The following CBFA2T2 variants were observed in gnomAD, a reference collection of about 807,000 sequenced individuals.
The protein encoded by CBFA2T2 is protein CBFA2T2.
CBFA2T2 carries 11 observed loss-of-function variants against 62.2 expected under a neutral mutation model. The observed-to-expected ratio is 0.18, with a 90% CI of 0.11 to 0.29. CBFA2T2 has a LOEUF of 0.29. Ranked by LOEUF, CBFA2T2 falls within the 10% of genes least tolerant of loss-of-function variation. The pLI is 1.00. For missense variants in CBFA2T2, 592 were observed against 774.1 expected (o/e 0.76, Z 2.79); for synonymous variants, 295 against 287.5 (o/e 1.03, Z -0.27).
intron 10 of CBFA2T2, among the ~76,000 whole-genome samples, chr20:33,641,039 C>CTT (rs895810658): frequency 6.9e-6 from 1 of 145,622 alleles, no homozygotes; most frequent in Non-Finnish European, 1.5e-5. Flanking sequence ...AGCACCTAGG[C>CTT]TTTTTTTTTT....
chr20:33,515,100 G>C (rs2146857224), intron 1 of CBFA2T2, among the ~76,000 whole-genome samples: 1 of 151,368 alleles, frequency 6.6e-6, no homozygotes, highest in East Asian at 2.0e-4. Flanking sequence ...TGTAATCACA[G>C]CACTTTGGGA....
chr20:33,586,053 TA>T (rs1224539266), intron 1 of CBFA2T2, among the ~76,000 whole-genome samples: 1 of 152,244 alleles, frequency 6.6e-6, no homozygotes, highest in Non-Finnish European at 1.5e-5. Context: ...TATCTGTCTC[TA>T]AAAAGGTAGC....
chr20:33,583,332 C>T (rs568281086), intron 1 of CBFA2T2, among the ~76,000 whole-genome samples: 3 of 152,304 alleles, frequency 2.0e-5, no homozygotes, highest in African/African-American at 7.2e-5. Context: ...TTGACCTTTT[C>T]CCAGGGCCAA....
rs375056881 is a variant in CBFA2T2 at position 33,524,565 on chromosome 20, T to G, written c.34+34264T>G. ...GAACTTGCAAACGTTGTTCTCATTT[T>G]CAAATAAAATAATTTTGTTGCAATT... On this transcript the variant is annotated intron_variant, in intron 1 of 10. Coordinates refer to ENST00000342704, the MANE Select transcript of CBFA2T2 (RefSeq NM_001032999.3). 3.6e-4 allele frequency among the ~76,000 whole-genome samples: 55 copies of G among 152,336 alleles called. 1 individual carries two copies. Among genetic ancestry groups the G allele is most frequent in the African/African-American group, 1.3e-3 (54 of 41,572 alleles).
intron 1 of CBFA2T2, among the ~76,000 whole-genome samples, chr20:33,542,313 C>G (rs908313883): frequency 6.6e-6 from 1 of 152,132 alleles, no homozygotes; most frequent in East Asian, 1.9e-4. Context: ...GCTAGAAGAA[C>G]CAGTCTTAAC....
intron 1 of CBFA2T2, among the ~76,000 whole-genome samples, chr20:33,513,816 GAAAAAAA>G (rs11481160): frequency 1.2e-4 from 13 of 111,444 alleles, no homozygotes; most frequent in African/African-American, 3.4e-4. Flanking sequence ...TCTGTCCCAG[GAAAAAAA>G]AAAAAAAAAA....
chr20:33,624,774 A>C lies in CBFA2T2; in HGVS notation c.703A>C (p.Asn235His). Reference protein sequence around the residue: ...KRPSPERREENSFDRDTIAPE... With the variant: ...KRPSPERREEHSFDRDTIAPE... ...CTGCTTCTTCTACAGGAGAGAAGAG[A>C]ATAGTTTTGATAGAGACACAATTGC... Residue 235 changes from asparagine (N) to histidine (H), a missense_variant, in exon 6 of 11, where the codon AAT (asparagine) becomes CAT (histidine). By Grantham distance (68) the Asn-to-His change is moderately conservative. Around this residue, in one of 3 missense-constraint regions of CBFA2T2, gnomAD observed 449 missense variants for 551.2 expected, o/e 0.81. Transcript: ENST00000342704. The C allele has an allele frequency of 6.2e-7, 1 of 1,614,142 alleles. No homozygotes were observed. Among genetic ancestry groups the C allele is most frequent in the Non-Finnish European group, 8.5e-7 (1 of 1,180,022 alleles).
At position 33,548,422 on chromosome 20, in the gene CBFA2T2, T is replaced by G. The variant is rs190875409; in HGVS notation, c.34+58121T>G. Among the ~76,000 whole-genome samples the G allele has an allele frequency of 4.2e-3, 638 of 151,738 alleles. 5 individuals are homozygous for G. Among genetic ancestry groups the G allele is most frequent in the African/African-American group, 0.014 (592 of 41,378 alleles). On this transcript the variant is annotated intron_variant, in intron 1 of 10. Coordinates refer to ENST00000342704, the MANE Select transcript of CBFA2T2 (RefSeq NM_001032999.3). Reference sequence around the variant, plus strand: ...CCGCACCTGGCTAATTTTTGTAATTTTAGTAGAGATGGGGTTTCACCATGT... The same window carrying G: ...CCGCACCTGGCTAATTTTTGTAATTGTAGTAGAGATGGGGTTTCACCATGT...
At chr20:33,602,990 A>G (rs1195035606) in intron 1 of CBFA2T2, among the ~76,000 whole-genome samples, 1 of 152,200 alleles carries the variant, frequency 6.6e-6, no homozygotes, top group East Asian at 1.9e-4. Context: ...GATGATTCAC[A>G]TCCCAGGTGG....
intron 1 of CBFA2T2, among the ~76,000 whole-genome samples, chr20:33,595,307 GT>G (rs1350673710): frequency 1.3e-5 from 2 of 152,048 alleles, no homozygotes; most frequent in African/African-American, 4.8e-5. Context: ...TGCCTCCTGG[GT>G]TCATGTGATT....
chr20:33,608,051 A>G (rs2015401002), intron 2 of CBFA2T2, among the ~76,000 whole-genome samples: 1 of 152,188 alleles, frequency 6.6e-6, no homozygotes, highest in African/African-American at 2.4e-5. Flanking sequence ...TTGGAGTGTA[A>G]TTTAGTACAT....
At chr20:33,594,680 A>G (rs1349653486) in intron 1 of CBFA2T2, among the ~76,000 whole-genome samples, 1 of 152,170 alleles carries the variant, frequency 6.6e-6, no homozygotes, top group Non-Finnish European at 1.5e-5. Context: ...CCGAAAAAAA[A>G]GTGAGGTTTA....
At chr20:33,644,249 G>T in intron 10 of CBFA2T2, 98 bp from the exon 11 acceptor site, 1 of 1,383,644 alleles carries the variant, frequency 7.2e-7, no homozygotes, top group Non-Finnish European at 9.9e-7. Flanking sequence ...CAAAGCTGGG[G>T]TTCTCTACAT....
At chr20:33,584,445 C>T (rs922448962) in intron 1 of CBFA2T2, among the ~76,000 whole-genome samples, 4 of 150,944 alleles carry the variant, frequency 2.6e-5, no homozygotes, top group African/African-American at 9.8e-5. Flanking sequence ...TTAGTAGAGA[C>T]GGGGTTTCAC....
At chr20:33,610,222 G>A (rs1007499338) in intron 2 of CBFA2T2, among the ~76,000 whole-genome samples, 2 of 152,166 alleles carry the variant, frequency 1.3e-5, no homozygotes, top group Non-Finnish European at 2.9e-5. Context: ...CCAGGAGGTC[G>A]AGGCTGCACC....
At chr20:33,544,655 C>G (rs1373535391) in intron 1 of CBFA2T2, among the ~76,000 whole-genome samples, 1 of 151,964 alleles carries the variant, frequency 6.6e-6, no homozygotes, top group African/African-American at 2.4e-5. Flanking sequence ...TCAAGCAGTT[C>G]CCTGCCCCAG....
At chr20:33,506,881 G>T (rs1034554644) in intron 1 of CBFA2T2, among the ~76,000 whole-genome samples, 1 of 152,156 alleles carries the variant, frequency 6.6e-6, no homozygotes, top group Non-Finnish European at 1.5e-5. Flanking sequence ...TTTTGTGGAT[G>T]TTGGACTCTG....
intron 8 of CBFA2T2, among the ~76,000 whole-genome samples, chr20:33,632,484 T>C (rs920189134): frequency 1.3e-5 from 2 of 151,832 alleles, no homozygotes; most frequent in Non-Finnish European, 2.9e-5. Flanking sequence ...TTTTTTTTTT[T>C]TTTTAACAGA....
At chr20:33,597,506 C>T (rs1017656081) in intron 1 of CBFA2T2, among the ~76,000 whole-genome samples, 2 of 152,178 alleles carry the variant, frequency 1.3e-5, no homozygotes, top group African/African-American at 4.8e-5. Context: ...CAGTGCATTA[C>T]CGCCTGACCT....
Sources: allele counts gnomAD v4.1 joint callset (sites outside exome capture counted in the v4.1 genomes callset), GRCh38; gene constraint gnomAD v4.1.1; regional missense constraint gnomAD v4.1.1; transcripts MANE v1.5; gene names NCBI Gene and HGNC (gene_info 2026-07-23, HGNC 2026-07-21).